The following COG6 variants were observed in gnomAD, a reference collection of about 807,000 sequenced individuals.
The protein encoded by COG6 is conserved oligomeric Golgi complex subunit 6.
A neutral mutation model predicts 88.8 loss-of-function variants in COG6; 74 were observed. That is an observed-to-expected ratio of 0.83 (90% CI 0.69 to 1.01). The LOEUF (loss-of-function observed/expected upper bound fraction) is 1.01. COG6 is among the 50% of genes least tolerant of loss of function. The pLI, the probability that COG6 is intolerant of heterozygous loss-of-function variation, is 0.00. For missense variants in COG6, 800 were observed against 797.9 expected (o/e 1.00, Z -0.03); for synonymous variants, 286 against 278.7 (o/e 1.03, Z -0.26).
In COG6 at chr13:39,751,669, C is replaced by T. The variant is rs1880640445; in HGVS notation, c.*576C>T. ...TATGGCAGTGAATCTCCTTTCTGTTCTACTTTAGCATACTATATATATTTG... is the reference window on the plus strand; with the variant it reads ...TATGGCAGTGAATCTCCTTTCTGTTTTACTTTAGCATACTATATATATTTG... On this transcript the variant is annotated 3_prime_UTR_variant, in exon 19 of 19. Transcript: ENST00000455146. The T allele has an allele frequency of 1.6e-6, 2 of 1,286,728 alleles. No individual in the cohort carries two copies. Among genetic ancestry groups the T allele is most frequent in the Non-Finnish European group, 2.0e-6 (2 of 988,436 alleles). The allele number at this position is 1,286,728 out of a possible 1,614,324, so 79.7% of individuals were successfully genotyped here.
At chr13:39,681,880 G>A (rs1876336547) in intron 7 of COG6, among the ~76,000 whole-genome samples, 1 of 151,934 alleles carries the variant, frequency 6.6e-6, no homozygotes, top group African/African-American at 2.4e-5. Context: ...GGAAATACTT[G>A]TTCACTGGTT....
In COG6 at chr13:39,680,004, T is replaced by G. The variant is rs772647737; in HGVS notation, c.653T>G (p.Leu218Arg). The G allele has an allele frequency of 6.3e-7, 1 of 1,588,042 alleles. No individual in the cohort carries two copies. The change falls in exon 7 of 19, where the codon CTT (leucine) becomes CGT (arginine). Residue 218 changes from leucine (L) to arginine (R), a missense_variant. Transcript: ENST00000455146. ...GAAATTATGGAACAGATGGCCTTAC[T>G]TCAAGAAACGGCTTATGAAAGACTT... ...GLEIMEQMAL[L>R]QETAYERLYR...
intron 16 of COG6, 152 bp downstream of exon 16, chr13:39,723,592 T>C: frequency 1.5e-6 from 1 of 646,792 alleles, no homozygotes; most frequent in South Asian, 1.7e-5. Flanking sequence ...TCCTTACCTG[T>C]GGATTGGGGG....
intron 18 of COG6, among the ~76,000 whole-genome samples, chr13:39,768,021 A>G (rs563876797): frequency 6.6e-6 from 1 of 152,226 alleles, no homozygotes; most frequent in South Asian, 2.1e-4. Context: ...TCCATTAGGA[A>G]CCAGGGTCTC....
At chr13:39,671,665 C>T (rs1237801081) in intron 4 of COG6, among the ~76,000 whole-genome samples, 1 of 151,954 alleles carries the variant, frequency 6.6e-6, no homozygotes, top group African/African-American at 2.4e-5. Flanking sequence ...TTGTGTCACA[C>T]ATGCATGTAC....
Position 39,680,033 on chromosome 13 carries a change from C to T in COG6, c.682C>T (p.Arg228Ter), listed in dbSNP as rs764926999. 12 of 1,580,576 alleles carry T rather than the reference C, an allele frequency of 7.6e-6. No homozygotes were observed. Among genetic ancestry groups the T allele is most frequent in the Non-Finnish European group, 8.7e-6 (10 of 1,151,416 alleles). ...LQETAYERLYRWAQSECRTLT... is the reference protein window; with the variant it reads ...LQETAYERLY ...AGAAACGGCTTATGAAAGACTTTAC[C>T]GATGGGCTCAAAGTAAGTGATTTCT... The change falls in exon 7 of 19, where the codon CGA becomes TGA. Residue 228 changes from arginine (R) to a stop codon, truncating the protein, a stop_gained. Transcript: ENST00000455146. LOFTEE classifies it high-confidence loss of function.
exon 19 of COG6, chr13:39,790,018 G>A (rs557370800): frequency 2.6e-5 from 4 of 152,094 alleles, no homozygotes; most frequent in Admixed American, 2.6e-4. Context: ...GTGAGGTAGG[G>A]TTCCATTGCT....
intron 17 of COG6, among the ~76,000 whole-genome samples, chr13:39,725,531 G>A (rs1433782070): frequency 1.3e-5 from 2 of 151,748 alleles, no homozygotes; most frequent in Admixed American, 1.3e-4. Context: ...GAAAACAAAA[G>A]GATAGGCTCA....
intron 15 of COG6, among the ~76,000 whole-genome samples, chr13:39,722,249 C>G (rs994927851): frequency 3.3e-5 from 5 of 150,082 alleles, no homozygotes; most frequent in Middle Eastern, 3.4e-3. Flanking sequence ...CTTTGTTTTT[C>G]TTTGGTTTCT....
At chr13:39,753,830 G>C (rs904575415), downstream of COG6, among the ~76,000 whole-genome samples, 10 of 152,104 alleles carry the variant, frequency 6.6e-5, no homozygotes, top group African/African-American at 2.4e-4. Flanking sequence ...TCTCTACTCA[G>C]ATCCTAACAC....
rs1879194894 is a variant in COG6 at position 39,727,479 on chromosome 13, A to G, written c.1757A>G (p.Asp586Gly). The G allele has an allele frequency of 6.2e-7, 1 of 1,612,308 alleles. No individual in the cohort carries two copies. ...CTCTGTTTCATTTAGGTTCAGTTTG[A>G]TCGTTATCTGTCAGCCCCAGACAAC... ...VTLKAAMVQF[D>G]RYLSAPDNLL... The change falls in exon 18 of 19, where the codon GAT (aspartate) becomes GGT (glycine). Residue 586 changes from aspartate (D) to glycine (G), a missense_variant. Physicochemically the swap from Asp to Gly is moderately conservative, Grantham distance 94 (BLOSUM62 -1). Coordinates refer to ENST00000455146, the MANE Select transcript of COG6 (RefSeq NM_020751.3).
At chr13:39,694,579 G>GA in intron 11 of COG6, 55 bp from the exon 12 acceptor site, 2 of 1,101,786 alleles carry the variant, frequency 1.8e-6, no homozygotes, top group Non-Finnish European at 2.8e-6. Context: ...TGTTATTAAT[G>GA]AAAAAAAGTT....
chr13:39,766,951 G>A (rs1320396223), intron 18 of COG6, among the ~76,000 whole-genome samples: 1 of 152,234 alleles, frequency 6.6e-6, no homozygotes, highest in African/African-American at 2.4e-5. Context: ...TACCAGGAGA[G>A]ATGAGTCACG....
At chr13:39,783,466 A>G (rs1263290883) in intron 18 of COG6, among the ~76,000 whole-genome samples, 2 of 152,110 alleles carry the variant, frequency 1.3e-5, no homozygotes, top group Non-Finnish European at 2.9e-5. Context: ...TTCATTCCTA[A>G]TGTCATAAAC....
chr13:39,721,572 C>G (rs1214062900), intron 15 of COG6, among the ~76,000 whole-genome samples: 1 of 152,048 alleles, frequency 6.6e-6, no homozygotes, highest in Non-Finnish European at 1.5e-5. Context: ...CCTATTCTTG[C>G]ATTATGCTTG....
At chr13:39,740,663 C>T (rs1879996406) in intron 18 of COG6, among the ~76,000 whole-genome samples, 1 of 152,104 alleles carries the variant, frequency 6.6e-6, no homozygotes. Context: ...ATAGATGACA[C>T]TTATCTGAAA....
At chr13:39,678,077 T>C (rs1593418414) in intron 5 of COG6, 1 of 448,754 alleles carries the variant, frequency 2.2e-6, no homozygotes, top group South Asian at 1.6e-5. Context: ...TTCTTTTCCT[T>C]TTTTTTTGAG....
chr13:39,662,051 G>T (rs1439228168), intron 3 of COG6, among the ~76,000 whole-genome samples: 1 of 150,668 alleles, frequency 6.6e-6, no homozygotes, highest in Non-Finnish European at 1.5e-5. Context: ...AATATAAAAA[G>T]ATCATAGTAT....
chr13:39,728,055 A>C (rs1476848893), intron 18 of COG6, among the ~76,000 whole-genome samples: 2 of 152,154 alleles, frequency 1.3e-5, no homozygotes, highest in Non-Finnish European at 2.9e-5. Flanking sequence ...AGATTATATG[A>C]TCTTTCTTGA....
Sources: gnomAD v4.1 joint callset for allele counts (sites outside exome capture counted in the v4.1 genomes callset) on GRCh38, gnomAD v4.1.1 for gene constraint, MANE v1.5 for transcripts, NCBI Gene and HGNC (gene_info 2026-07-23, HGNC 2026-07-21) for gene names.